Variants in ADAP1 observed in about 807,000 individuals in gnomAD.
The protein encoded by ADAP1 is ArfGAP with dual PH domains 1.
ADAP1 carries 31 observed loss-of-function variants against 54.9 expected under a neutral mutation model. That is an observed-to-expected ratio of 0.56 (90% CI 0.42 to 0.76). ADAP1 has a LOEUF of 0.76. Ranked by LOEUF, ADAP1 falls within the 30% of genes least tolerant of loss-of-function variation. The pLI, the probability that ADAP1 is intolerant of heterozygous loss-of-function variation, is 0.00. For synonymous variants in ADAP1, 313 were observed against 202.6 expected, an observed-to-expected ratio of 1.55 and a Z score of -4.63; for missense variants, 535 against 512.4, an observed-to-expected ratio of 1.04 and a Z score of -0.42.
chr7:898,964 G>C lies in ADAP1; in HGVS notation c.1097-15C>G. 1 of 1,611,606 alleles carries C rather than the reference G, an allele frequency of 6.2e-7. No homozygotes were observed. The highest frequency in any genetic ancestry group is 2.2e-5 in the East Asian group (1 of 44,788). On this transcript the variant is annotated splice_polypyrimidine_tract_variant and intron_variant, in intron 10 of 10. Transcript: ENST00000265846. ...GTGCGCCTCCACTGCAACGGAACAG[G>C]GTCCAGCGTTGTCACAGCGGCGGGG...
At chr7:934,573 G>C (rs73672471) in intron 2 of ADAP1, among the ~76,000 whole-genome samples, 8,418 of 152,168 alleles carry the variant, frequency 0.055, 768 homozygotes, top group African/African-American at 0.19. Context: ...AGTCCCACGA[G>C]TGGGGCTGGG....
chr7:900,683 C>G (rs960655182), intron 6 of ADAP1, 67 bp from the exon 7 acceptor site: 68 of 1,426,158 alleles, frequency 4.8e-5, no homozygotes, highest in Non-Finnish European at 6.5e-5. Context: ...CACAGAGGGG[C>G]TGGGGTCCCC....
chr7:941,265 T>C (rs1562935578), intron 1 of ADAP1, among the ~76,000 whole-genome samples: 2 of 152,214 alleles, frequency 1.3e-5, no homozygotes. Context: ...AGAATGTCTG[T>C]TCTAACCACT....
intron 5 of ADAP1, 93 bp from the exon 6 acceptor site, chr7:904,365 C>T (rs962358288): frequency 3.4e-6 from 5 of 1,461,288 alleles, no homozygotes; most frequent in East Asian, 4.8e-5. Flanking sequence ...TGGCGGCGCA[C>T]CTGCTGTGCT....
At chr7:904,007 G>A in intron 6 of ADAP1, 119 bp downstream of exon 6, 17 of 1,354,114 alleles carry the variant, frequency 1.3e-5, no homozygotes, top group Non-Finnish European at 1.6e-5. Context: ...GCCTTCTCAT[G>A]CCGCCTAGCT....
intron 6 of ADAP1, among the ~76,000 whole-genome samples, chr7:903,250 T>G (rs1285670031): frequency 6.6e-6 from 1 of 151,992 alleles, no homozygotes; most frequent in African/African-American, 2.4e-5. Context: ...CTCGGCCCCC[T>G]AACAAACCCA....
chr7:906,791 C>CACGG (rs60095382), intron 4 of ADAP1, among the ~76,000 whole-genome samples: 1 of 28,728 alleles, frequency 3.5e-5, no homozygotes, highest in African/African-American at 9.3e-5. Context: ...ACACGGGGGA[C>CACGG]GGGACAGGGG....
Position 920,892 on chromosome 7 carries a change from G to T in ADAP1, c.306-842C>A. 1 of 1,549,114 alleles carries T rather than the reference G, an allele frequency of 6.5e-7. No homozygotes were observed. The highest frequency in any genetic ancestry group is 2.4e-5 in the East Asian group (1 of 40,904). On this transcript the variant is annotated intron_variant, in intron 3 of 10. Transcript: ENST00000265846. The surrounding 1 kb of genome is among the most constrained non-coding windows in gnomAD (Gnocchi z 4.5). ...CTTTTCCACTCCCAGGGAATTACGC[G>T]GCAAAGAACAAATAGGAACCCTGTG...
Position 899,221 on chromosome 7 carries a change from T to G in ADAP1, c.908A>C (p.Glu303Ala), listed in dbSNP as rs1348363771. ...CCCATGCAGCACCGTGTAGCCACTC[T>G]CCTTGCTGCCAATGAAGACTTCCCC... ...ARGEVFIGSKESGYTVLHGFP... is the reference protein window; with the variant it reads ...ARGEVFIGSKASGYTVLHGFP... The change falls in exon 10 of 11, where the codon GAG becomes GCG. Residue 303 changes from glutamate to alanine, a missense_variant. By Grantham distance (107) the Glu-to-Ala change is moderately radical (BLOSUM62 -1). Coordinates refer to ENST00000265846, the MANE Select transcript of ADAP1 (RefSeq NM_006869.4). The G allele has an allele frequency of 6.2e-7, 1 of 1,612,670 alleles. No homozygotes were observed. Among genetic ancestry groups the G allele is most frequent in the Non-Finnish European group, 8.5e-7 (1 of 1,179,972 alleles).
chr7:935,123 C>G (rs1438961293), intron 2 of ADAP1: 1 of 635,026 alleles, frequency 1.6e-6, no homozygotes, highest in African/African-American at 1.8e-5. Context: ...GACCCGCCTT[C>G]GCTCCCTGGC....
Position 898,468 on chromosome 7 carries a change from G to C in ADAP1, c.*453C>G. 4.1e-6 allele frequency: 1 copy of C among 246,784 alleles called. No homozygotes were observed. Among genetic ancestry groups the C allele is most frequent in the South Asian group, 5.2e-5 (1 of 19,200 alleles). 15.3% of individuals were successfully genotyped at this position (246,784 alleles called of 1,614,324 possible). A position where few individuals can be genotyped will look rare whatever the true frequency, so the allele number is the denominator to read the frequency against. On this transcript the variant is annotated 3_prime_UTR_variant, in exon 11 of 11. Coordinates refer to ENST00000265846, the MANE Select transcript of ADAP1 (RefSeq NM_006869.4). Reference sequence around the variant, plus strand: ...CAACAGGCGCTCAATAAATAGTCGTGGAGGTGGGGGGAGGGCGGGGCGGCA... The same window carrying C: ...CAACAGGCGCTCAATAAATAGTCGTCGAGGTGGGGGGAGGGCGGGGCGGCA...
At chr7:925,011 G>A (rs909774155) in intron 3 of ADAP1, among the ~76,000 whole-genome samples, 7 of 152,006 alleles carry the variant, frequency 4.6e-5, no homozygotes, top group African/African-American at 1.7e-4. Flanking sequence ...CTGCCCGGGT[G>A]GGAAGGGAGA....
At chr7:908,862 C>T (rs1285764349) in intron 4 of ADAP1, among the ~76,000 whole-genome samples, 4 of 152,174 alleles carry the variant, frequency 2.6e-5, no homozygotes, top group African/African-American at 4.8e-5. Flanking sequence ...TTTGGGCCAC[C>T]TCGCCCACGG....
intron 2 of ADAP1, among the ~76,000 whole-genome samples, chr7:928,813 G>C (rs901399711): frequency 3.3e-5 from 5 of 152,240 alleles, no homozygotes; most frequent in Admixed American, 2.0e-4. Context: ...GGTAAACACA[G>C]AGTTACCATA....
upstream of ADAP1, chr7:955,229 A>T: frequency 6.9e-7 from 1 of 1,444,712 alleles, no homozygotes; most frequent in Non-Finnish European, 9.5e-7. Flanking sequence ...AGGCAGGCTG[A>T]GGGGCCCCGC....
chr7:902,475 A>AAAATGCCT (rs1491159593), intron 6 of ADAP1, among the ~76,000 whole-genome samples: 10 of 142,256 alleles, frequency 7.0e-5, no homozygotes, highest in African/African-American at 1.1e-4. Flanking sequence ...AAAAAAAGAA[A>AAAATGCCT]GAAAAGAAAG....
At chr7:930,585 G>A (rs192731819) in intron 2 of ADAP1, among the ~76,000 whole-genome samples, 4 of 151,640 alleles carry the variant, frequency 2.6e-5, no homozygotes, top group East Asian at 2.0e-4. Flanking sequence ...TTGGGAGGCC[G>A]AGGGGGATGG....
intron 1 of ADAP1, among the ~76,000 whole-genome samples, chr7:951,783 A>G (rs1847277982): frequency 6.6e-6 from 1 of 152,192 alleles, no homozygotes; most frequent in African/African-American, 2.4e-5. Context: ...GGGGCATCAG[A>G]TGGCCTGAGA....
At chr7:922,117 C>G (rs369425638) in intron 3 of ADAP1, among the ~76,000 whole-genome samples, 2 of 152,200 alleles carry the variant, frequency 1.3e-5, no homozygotes, top group Non-Finnish European at 2.9e-5. Flanking sequence ...TGCCCGGAGC[C>G]CTCCCGACTC....
Sources: gnomAD v4.1 joint callset for allele counts (sites outside exome capture counted in the v4.1 genomes callset) on GRCh38, gnomAD v4.1.1 for gene constraint, Gnocchi (gnomAD v3.1) non-coding constraint, MANE v1.5 for transcripts, NCBI Gene and HGNC (gene_info 2026-07-23, HGNC 2026-07-21) for gene names.